Variants in PAQR8 observed in about 807,000 individuals in gnomAD.
PAQR8 encodes membrane progestin receptor beta.
In PAQR8, 17 loss-of-function variants were observed where a neutral mutation model predicts 25.2. The observed-to-expected ratio is 0.67, with a 90% CI of 0.46 to 1.01. The LOEUF (loss-of-function observed/expected upper bound fraction) is 1.01, where lower values mean the gene tolerates loss of function less well. PAQR8 is among the 50% of genes least tolerant of loss of function. PAQR8 has a pLI of 0.00. For missense variants in PAQR8, 392 were observed against 448.4 expected (o/e 0.87, Z 1.14); for synonymous variants, 204 against 190.6 (o/e 1.07, Z -0.58).
chr6:52,407,435 C>T lies in PAQR8; in HGVS notation c.*3157C>T, dbSNP rs1763924256. On this transcript the variant is annotated 3_prime_UTR_variant, in exon 2 of 2. Transcript: ENST00000442253. ...CAACAATATTCTCAAGAGTCTTCTACTGGAAGCTAGAAAGAAATAGGAATT... is the reference window on the plus strand; with the variant it reads ...CAACAATATTCTCAAGAGTCTTCTATTGGAAGCTAGAAAGAAATAGGAATT... The T allele has an allele frequency of 6.0e-6, 1 of 166,964 alleles. No individual in the cohort carries two copies. The highest frequency in any genetic ancestry group is 6.5e-5 in the Admixed American group (1 of 15,284). The allele number at this position is 166,964 out of a possible 1,614,324, so 10.3% of individuals were successfully genotyped here.
At chr6:52,363,903 G>T (rs973372468) in intron 1 of PAQR8, among the ~76,000 whole-genome samples, 1 of 118,926 alleles carries the variant, frequency 8.4e-6, no homozygotes, top group Non-Finnish European at 1.8e-5. Flanking sequence ...TTTTATTTCT[G>T]CTGTTTGTCC....
intron 1 of PAQR8, among the ~76,000 whole-genome samples, chr6:52,401,535 C>T (rs761402666): frequency 7.2e-5 from 11 of 152,112 alleles, no homozygotes; most frequent in South Asian, 2.1e-4. Context: ...TGAAATTCAC[C>T]GAGTGCAGTT....
At position 52,399,552 on chromosome 6, in the gene PAQR8, C is replaced by T. The variant is rs1763807348; in HGVS notation, c.-52-3610C>T. 4.6e-5 allele frequency among the ~76,000 whole-genome samples: 7 copies of T among 152,164 alleles called. No individual in the cohort carries two copies. The South Asian group carries it at 1.4e-3, about 31-fold the overall frequency. On this transcript the variant is annotated intron_variant, in intron 1 of 1. Coordinates refer to ENST00000442253, the MANE Select transcript of PAQR8 (RefSeq NM_133367.5). ...AATTGTGTGGTTATATATTATTTAA[C>T]TCTGGATGCAGGAATCGTCTGATTG...
chr6:52,385,955 A>T (rs1263396585), intron 1 of PAQR8, among the ~76,000 whole-genome samples: 1 of 152,220 alleles, frequency 6.6e-6, no homozygotes, highest in African/African-American at 2.4e-5. Context: ...TTCATACATT[A>T]TGCAGGGGTC....
chr6:52,398,968 T>C (rs1763800299), intron 1 of PAQR8, among the ~76,000 whole-genome samples: 1 of 151,374 alleles, frequency 6.6e-6, no homozygotes, highest in Non-Finnish European at 1.5e-5. Context: ...ATCCCTGGAC[T>C]CTCAGGTTCC....
chr6:52,387,088 T>C (rs1763641390), intron 1 of PAQR8, among the ~76,000 whole-genome samples: 1 of 152,218 alleles, frequency 6.6e-6, no homozygotes, highest in South Asian at 2.1e-4. Context: ...CTTGGCTCAC[T>C]TCTCTGCAAC....
At chr6:52,363,791 C>G (rs1763318264) in intron 1 of PAQR8, among the ~76,000 whole-genome samples, 1 of 152,172 alleles carries the variant, frequency 6.6e-6, no homozygotes, top group Non-Finnish European at 1.5e-5. Flanking sequence ...TTGACCAGGT[C>G]AACTGGAAGG....
At chr6:52,364,083 GT>G (rs67846872) in intron 1 of PAQR8, among the ~76,000 whole-genome samples, 15,739 of 84,066 alleles carry the variant, frequency 0.19, 1,294 homozygotes, top group South Asian at 0.32. Flanking sequence ...TGAAAGATAT[GT>G]TTTTTTTTTT....
chr6:52,374,222 T>C (rs1160739674), intron 1 of PAQR8, among the ~76,000 whole-genome samples: 1 of 152,172 alleles, frequency 6.6e-6, no homozygotes, highest in East Asian at 1.9e-4. Flanking sequence ...CAGTGTCCAG[T>C]ATTTCTTTAT....
In PAQR8 at chr6:52,404,333, T is replaced by G. The variant is rs1278032023; in HGVS notation, c.*55T>G. Reference sequence around the variant, plus strand: ...AGCCCCTCATAATTTGGAGAAAACTTGATACAATAGAAGCTGACTTTTAAG... The same window carrying G: ...AGCCCCTCATAATTTGGAGAAAACTGGATACAATAGAAGCTGACTTTTAAG... On this transcript the variant is annotated 3_prime_UTR_variant, in exon 2 of 2. Coordinates refer to ENST00000442253, the MANE Select transcript of PAQR8 (RefSeq NM_133367.5). The G allele has an allele frequency of 7.0e-7, 1 of 1,427,576 alleles. No homozygotes were observed. Among genetic ancestry groups the G allele is most frequent in the Non-Finnish European group, 9.4e-7 (1 of 1,064,158 alleles). 88.4% of individuals were successfully genotyped at this position (1,427,576 alleles called of 1,614,324 possible). A position where few individuals can be genotyped will look rare whatever the true frequency, so the allele number is the denominator to read the frequency against.
At chr6:52,387,161 C>T (rs1166973380) in intron 1 of PAQR8, among the ~76,000 whole-genome samples, 1 of 152,186 alleles carries the variant, frequency 6.6e-6, no homozygotes, top group Non-Finnish European at 1.5e-5. Flanking sequence ...GCAGGGTCTT[C>T]AGGGGTGCCC....
intron 1 of PAQR8, among the ~76,000 whole-genome samples, chr6:52,399,927 G>A (rs1343630573): frequency 6.6e-6 from 1 of 152,170 alleles, no homozygotes; most frequent in Non-Finnish European, 1.5e-5. Flanking sequence ...AAGGTCAGTT[G>A]GAGAAACTTC....
intron 1 of PAQR8, among the ~76,000 whole-genome samples, chr6:52,365,924 T>G (rs1262885915): frequency 1.3e-5 from 2 of 152,134 alleles, no homozygotes; most frequent in Admixed American, 6.6e-5. Flanking sequence ...AAGAAAAAAG[T>G]TTAAAAGCCT....
At chr6:52,379,987 C>T (rs1180680265) in intron 1 of PAQR8, among the ~76,000 whole-genome samples, 2 of 151,734 alleles carry the variant, frequency 1.3e-5, no homozygotes, top group Non-Finnish European at 2.9e-5. Context: ...TCTTCAACTC[C>T]TGACCTCATG....
intron 1 of PAQR8, among the ~76,000 whole-genome samples, chr6:52,383,683 A>T (rs1763593843): frequency 6.7e-6 from 1 of 149,378 alleles, no homozygotes; most frequent in South Asian, 2.1e-4. Flanking sequence ...AAAAACCAGG[A>T]ATTCCATGAC....
At chr6:52,398,204 CTTTTT>C (rs869285681) in intron 1 of PAQR8, among the ~76,000 whole-genome samples, 1 of 85,816 alleles carries the variant, frequency 1.2e-5, no homozygotes, top group Non-Finnish European at 2.0e-5. Context: ...TTTCTTTTTT[CTTTTT>C]TTTTTTTTTT....
rs776632127 is a variant in PAQR8 at position 52,403,666 on chromosome 6, G to C, written c.453G>C (p.Val151=). The C allele has an allele frequency of 1.2e-5, 20 of 1,614,050 alleles. No homozygotes were observed. The highest frequency in any genetic ancestry group is 1.7e-5 in the Non-Finnish European group (20 of 1,180,054). Residue 151 remains valine, a synonymous_variant, in exon 2 of 2, where the codon GTG becomes GTC. Transcript: ENST00000442253. ...YTFYFVDYVG[V]SVYQYGSALA... Reference sequence around the variant, plus strand: ...TCTACTTTGTGGACTATGTTGGCGTGAGCGTTTACCAATATGGCAGTGCTT... The same window carrying C: ...TCTACTTTGTGGACTATGTTGGCGTCAGCGTTTACCAATATGGCAGTGCTT...
intron 1 of PAQR8, among the ~76,000 whole-genome samples, chr6:52,398,111 G>A (rs1281374801): frequency 1.3e-5 from 2 of 152,002 alleles, no homozygotes; most frequent in East Asian, 3.9e-4. Context: ...TCATGGCAGA[G>A]GAAGAGGTGG....
At chr6:52,368,159 G>A (rs778919502) in intron 1 of PAQR8, among the ~76,000 whole-genome samples, 5 of 152,202 alleles carry the variant, frequency 3.3e-5, no homozygotes, top group Non-Finnish European at 7.3e-5. Context: ...CCACATGAGT[G>A]AGTAATCAAC....
Sources: allele counts gnomAD v4.1 joint callset (sites outside exome capture counted in the v4.1 genomes callset), GRCh38; gene constraint gnomAD v4.1.1; transcripts MANE v1.5; gene names NCBI Gene and HGNC (gene_info 2026-07-23, HGNC 2026-07-21).